The following SLC9C1 variants were observed in gnomAD, a reference collection of about 807,000 sequenced individuals.
SLC9C1 encodes solute carrier family 9 member C1.
SLC9C1 carries 97 observed loss-of-function variants against 140.9 expected under a neutral mutation model. The ratio of observed to expected loss-of-function variants is 0.69; its 90% CI spans 0.58 to 0.82. SLC9C1 has a LOEUF of 0.82. Among genes scored for constraint, SLC9C1 ranks in the 40% least tolerant of loss-of-function variants. SLC9C1 has a pLI of 0.00. For synonymous variants in SLC9C1, 440 were observed against 442.6 expected, an observed-to-expected ratio of 0.99 and a Z score of 0.07; for missense variants, 1,340 against 1,389.3, an observed-to-expected ratio of 0.96 and a Z score of 0.56.
intron 7 of SLC9C1, among the ~76,000 whole-genome samples, chr3:112,268,519 C>T (rs1459730486): frequency 2.0e-5 from 3 of 152,032 alleles, no homozygotes; most frequent in African/African-American, 4.8e-5. Context: ...TTTACCAATA[C>T]AAAAAGAATC....
chr3:112,176,805 C>T (rs919346746), intron 23 of SLC9C1, among the ~76,000 whole-genome samples: 2 of 152,102 alleles, frequency 1.3e-5, no homozygotes, highest in African/African-American at 4.8e-5. Context: ...AACTCTGTCT[C>T]CACCATGGGT....
In SLC9C1 at chr3:112,169,414, A is replaced by T. The variant is rs2077203728; in HGVS notation, c.2920-86T>A. 4.8e-6 allele frequency: 6 copies of T among 1,253,208 alleles called. No individual in the cohort carries two copies. The South Asian group carries it at 9.2e-5, about 19-fold the overall frequency. The allele number at this position is 1,253,208 out of a possible 1,614,324, so 77.6% of individuals were successfully genotyped here. A position where few individuals can be genotyped will look rare whatever the true frequency, so the allele number is the denominator to read the frequency against. On this transcript the variant is annotated intron_variant, in intron 23 of 28. Coordinates refer to ENST00000305815, the MANE Select transcript of SLC9C1 (RefSeq NM_183061.3). ...GTTTTTTTGTTTATGTACACTATTA[A>T]AGCTAATAATTTAATTAGGTAAGAT...
Position 112,179,593 on chromosome 3 carries a change from C to A in SLC9C1, c.2857G>T (p.Glu953Ter), listed in dbSNP as rs1431793770. ...GGTTCATTAGTTAAGCAGTTTATCT[C>A]TCCTATTATTTCTCCACTGAGCATA... ...DYMLSGEIIG[E>*]INCLTNEPMK... The change falls in exon 23 of 29, where the codon GAG (glutamate) becomes TAG (stop). Residue 953 changes from glutamate to a stop codon, truncating the protein, a stop_gained. Coordinates refer to ENST00000305815, the MANE Select transcript of SLC9C1 (RefSeq NM_183061.3). LOFTEE classifies it high-confidence loss of function. 6.2e-7 allele frequency: 1 copy of A among 1,612,026 alleles called. No homozygotes were observed. Among genetic ancestry groups the A allele is most frequent in the Non-Finnish European group, 8.5e-7 (1 of 1,179,290 alleles).
At chr3:112,183,269 T>C (rs979218769) in intron 20 of SLC9C1, among the ~76,000 whole-genome samples, 1 of 151,682 alleles carries the variant, frequency 6.6e-6, no homozygotes, top group Non-Finnish European at 1.5e-5. Flanking sequence ...AAAAAAATGG[T>C]ATGCTGGTGG....
At chr3:112,240,041 A>C (rs1235539547) in intron 11 of SLC9C1, 35 bp from the exon 12 acceptor site, 2 of 1,556,196 alleles carry the variant, frequency 1.3e-6, no homozygotes, top group Admixed American at 3.8e-5. Flanking sequence ...AAATAGTAGA[A>C]ACACCACAAT....
At chr3:112,169,979 A>C (rs114952031) in intron 23 of SLC9C1, among the ~76,000 whole-genome samples, 281 of 152,194 alleles carry the variant, frequency 1.8e-3, no homozygotes, top group Middle Eastern at 0.01. Context: ...CACCACATTA[A>C]AAAAAATCAA....
chr3:112,260,501 T>G (rs1045066319), intron 10 of SLC9C1, among the ~76,000 whole-genome samples: 2 of 152,138 alleles, frequency 1.3e-5, no homozygotes, highest in African/African-American at 4.8e-5. Flanking sequence ...TAATATTAGA[T>G]TTTAGGCTAC....
At chr3:112,251,551 G>A (rs1239630285) in intron 10 of SLC9C1, among the ~76,000 whole-genome samples, 1 of 152,114 alleles carries the variant, frequency 6.6e-6, no homozygotes, top group Non-Finnish European at 1.5e-5. Context: ...AGGAAAGGAG[G>A]TGATCCAGGA....
intron 28 of SLC9C1, among the ~76,000 whole-genome samples, chr3:112,149,095 A>G (rs1386904469): frequency 6.6e-6 from 1 of 151,930 alleles, no homozygotes; most frequent in Non-Finnish European, 1.5e-5. Context: ...GGTGCTCTGA[A>G]TGCTTGGAGA....
At position 112,151,864 on chromosome 3, in the gene SLC9C1, T is replaced by G. The variant is rs749848774; in HGVS notation, c.3517A>C (p.Lys1173Gln). Residue 1173 changes from lysine (K) to glutamine (Q), a missense_variant, in exon 28 of 29, where the codon AAA becomes CAA. Lys to Gln is a moderately conservative substitution (Grantham distance 53, BLOSUM62 1). Transcript: ENST00000305815. ...CKESPRINLR[K>Q]VRKE ...GAAACCAGAGTGGCTTACCTGACTTTCCTTAGGTTTATTCTAGGGGACTCC... is the reference window on the plus strand; with the variant it reads ...GAAACCAGAGTGGCTTACCTGACTTGCCTTAGGTTTATTCTAGGGGACTCC... 1 of 1,612,656 alleles carries G rather than the reference T, an allele frequency of 6.2e-7. No homozygotes were observed. The highest frequency in any genetic ancestry group is 8.5e-7 in the Non-Finnish European group (1 of 1,179,512).
At chr3:112,283,511 A>G (rs543761272) in intron 2 of SLC9C1, among the ~76,000 whole-genome samples, 1 of 150,696 alleles carries the variant, frequency 6.6e-6, no homozygotes, top group Admixed American at 6.6e-5. Context: ...TCTTTGTTCT[A>G]TGCAAATCCT....
At chr3:112,215,815 A>G (rs1229241627) in intron 15 of SLC9C1, among the ~76,000 whole-genome samples, 1 of 152,222 alleles carries the variant, frequency 6.6e-6, no homozygotes, top group African/African-American at 2.4e-5. Context: ...TATCCCCAAC[A>G]AGCTACCAAT....
intron 17 of SLC9C1, 86 bp from the exon 18 acceptor site, chr3:112,202,485 A>G (rs2077932050): frequency 7.3e-7 from 1 of 1,363,012 alleles, no homozygotes. Context: ...ATAGTTAATA[A>G]TAAGAAATTA....
chr3:112,202,527 C>G, intron 17 of SLC9C1, 128 bp from the exon 18 acceptor site: 1 of 859,196 alleles, frequency 1.2e-6, no homozygotes, highest in Non-Finnish European at 1.7e-6. Context: ...AATAACCTGT[C>G]AAGGTTCTTT....
At chr3:112,168,143 A>T (rs2077174282) in intron 25 of SLC9C1, among the ~76,000 whole-genome samples, 1 of 148,752 alleles carries the variant, frequency 6.7e-6, no homozygotes. Context: ...TGGTTGAGAG[A>T]TCTCTTGAGG....
At chr3:112,263,270 G>A (rs574563275) in intron 9 of SLC9C1, among the ~76,000 whole-genome samples, 172 bp from the exon 10 acceptor site, 4 of 151,878 alleles carry the variant, frequency 2.6e-5, no homozygotes, top group African/African-American at 4.8e-5. Flanking sequence ...ATTCCATAGA[G>A]AGACATGCCA....
chr3:112,239,452 A>C (rs2079081711), intron 12 of SLC9C1, among the ~76,000 whole-genome samples: 1 of 152,080 alleles, frequency 6.6e-6, no homozygotes, highest in Non-Finnish European at 1.5e-5. Context: ...GGTGCACTGC[A>C]CCCACTGTCC....
intron 8 of SLC9C1, among the ~76,000 whole-genome samples, chr3:112,265,537 A>G (rs962614867): frequency 6.6e-6 from 1 of 151,994 alleles, no homozygotes; most frequent in Non-Finnish European, 1.5e-5. Flanking sequence ...AACTCTAAAA[A>G]CCATGGTTTA....
chr3:112,214,189 T>C (rs899751178), intron 15 of SLC9C1, among the ~76,000 whole-genome samples: 2 of 152,144 alleles, frequency 1.3e-5, no homozygotes, highest in Non-Finnish European at 2.9e-5. Context: ...TACCAGAATC[T>C]CTGGGACACA....
Sources: allele counts gnomAD v4.1 joint callset (sites outside exome capture counted in the v4.1 genomes callset), GRCh38; gene constraint gnomAD v4.1.1; transcripts MANE v1.5; gene names NCBI Gene and HGNC (gene_info 2026-07-23, HGNC 2026-07-21).